PTPRT: variants seen among roughly 807,000 people sequenced by gnomAD.
PTPRT encodes the protein protein tyrosine phosphatase receptor type T.
Under a neutral mutation model 176.8 loss-of-function variants are expected in PTPRT, and 56 were observed. The observed-to-expected ratio is 0.32, with a 90% CI of 0.26 to 0.40. The LOEUF (loss-of-function observed/expected upper bound fraction) is 0.40. Among genes scored for constraint, PTPRT ranks in the 10% least tolerant of loss-of-function variants. The probability of loss-of-function intolerance (pLI) is 1.00; values close to 1 mark genes in which losing one functional copy is unlikely to be tolerated. For synonymous variants in PTPRT, 783 were observed against 739.0 expected (o/e 1.06, Z -0.96); for missense variants, 1,540 against 1,908.2 (o/e 0.81, Z 3.60).
intron 7 of PTPRT, among the ~76,000 whole-genome samples, chr20:42,611,197 T>C (rs538045575): frequency 6.6e-5 from 10 of 152,352 alleles, no homozygotes; most frequent in African/African-American, 2.2e-4. Context: ...AGCAGTGGAA[T>C]TGCTGAGCAT....
chr20:42,446,619 T>A (rs535804745), intron 9 of PTPRT, among the ~76,000 whole-genome samples: 20,289 of 143,158 alleles, frequency 0.14, 1,567 homozygotes, highest in Middle Eastern at 0.18. Flanking sequence ...TGTGTGTGTG[T>A]GTGAGAGAGA....
chr20:42,741,593 G>A (rs139610668), intron 6 of PTPRT, among the ~76,000 whole-genome samples: 51 of 152,196 alleles, frequency 3.4e-4, no homozygotes, highest in African/African-American at 1.1e-3. Flanking sequence ...TGATCCACCT[G>A]ACTCGGCTTC....
intron 11 of PTPRT, among the ~76,000 whole-genome samples, chr20:42,350,307 C>T (rs1259591362): frequency 6.9e-6 from 1 of 145,480 alleles, no homozygotes; most frequent in Non-Finnish European, 1.5e-5. Context: ...CAGTTCACTA[C>T]ACTCTTGGTC....
chr20:43,189,605 A>G lies in PTPRT; in HGVS notation c.88+41T>C. 8.4e-7 allele frequency: 1 copy of G among 1,190,870 alleles called. No homozygotes were observed. The highest frequency in any genetic ancestry group is 1.0e-6 in the Non-Finnish European group (1 of 952,846). The allele number at this position is 1,190,870 out of a possible 1,614,324, so 73.8% of individuals were successfully genotyped here. On this transcript the variant is annotated intron_variant, in intron 1 of 30. Coordinates refer to ENST00000373187, the MANE Select transcript of PTPRT (RefSeq NM_007050.6). This position sits in a 1 kb window ranked among gnomAD's most constrained non-coding sequence, Gnocchi z 5.0. The stretch of plus-strand genomic sequence containing the variant: ...GGCTGGGGGCCCGCGCGCATCCAGG[A>G]GGGAGCGGGGAGCCCAGGGGAGCCG...
intron 1 of PTPRT, among the ~76,000 whole-genome samples, chr20:42,989,109 A>T (rs1983754314): frequency 6.6e-6 from 1 of 152,238 alleles, no homozygotes; most frequent in Non-Finnish European, 1.5e-5. Context: ...TGGCATTATT[A>T]TGCCCATTTT....
intron 1 of PTPRT, among the ~76,000 whole-genome samples, chr20:43,176,289 C>T (rs149353577): frequency 0.04 from 6,118 of 151,264 alleles, 178 homozygotes; most frequent in Non-Finnish European, 0.063. Flanking sequence ...AGAGCGAGAC[C>T]CTGGGCTCTG....
At chr20:42,050,308 T>C in the PTPRT span, among the ~76,000 whole-genome samples, 2 of 152,152 alleles carry the variant, frequency 1.3e-5, no homozygotes, top group Non-Finnish European at 2.9e-5. Context: ...CATTTACAAA[T>C]GCATACTCTT....
chr20:42,176,003 T>C lies in PTPRT; in HGVS notation c.2492-14461A>G, dbSNP rs865920975. On this transcript the variant is annotated intron_variant, in intron 16 of 30. Coordinates refer to ENST00000373187, the MANE Select transcript of PTPRT (RefSeq NM_007050.6). Reference sequence around the variant, plus strand: ...TATCATTTTCATGAATTACAATATATGTATATTCCTGAACATACATCGTCT... The same window carrying C: ...TATCATTTTCATGAATTACAATATACGTATATTCCTGAACATACATCGTCT... Among the ~76,000 whole-genome samples, 5 of 152,328 alleles carry C rather than the reference T, an allele frequency of 3.3e-5. No individual in the cohort carries two copies. In the Middle Eastern group the frequency reaches 0.014, roughly 414 times the overall value.
rs567305488 is a variant in PTPRT, at chr20:42,685,317, GA to G, written c.860-7159del. The G allele has an allele frequency of 1.8e-4, 27 of 152,270 alleles. No homozygotes were observed. In the East Asian group the frequency reaches 5.0e-3, roughly 28 times the overall value. 9.4% of individuals were successfully genotyped at this position (152,270 alleles called of 1,614,324 possible). On this transcript the variant is annotated intron_variant, in intron 6 of 30. Transcript: ENST00000373187. ...GATTTACCCTAGTCCGCCTTGTGAT[GA>G]ATCAAAATCATGACCTCTAGCATAG... is the stretch of plus-strand genomic sequence containing the variant.
intron 12 of PTPRT, among the ~76,000 whole-genome samples, chr20:42,293,449 AC>A: frequency 6.6e-6 from 1 of 152,064 alleles, no homozygotes; most frequent in South Asian, 2.1e-4. Context: ...CTACTTCACT[AC>A]CTGTTCTTTA....
chr20:42,720,284 T>C (rs942103080), intron 6 of PTPRT, among the ~76,000 whole-genome samples: 2 of 151,898 alleles, frequency 1.3e-5, no homozygotes, highest in East Asian at 1.9e-4. Context: ...GAATGGGAGG[T>C]AAAAATCACT....
chr20:42,893,038 G>C (rs1018775004), intron 1 of PTPRT, among the ~76,000 whole-genome samples: 1 of 152,054 alleles, frequency 6.6e-6, no homozygotes, highest in Non-Finnish European at 1.5e-5. Flanking sequence ...CAGAAATCAG[G>C]CTGGGACCTT....
intron 1 of PTPRT, among the ~76,000 whole-genome samples, chr20:42,963,025 C>A (rs1184437618): frequency 1.3e-5 from 2 of 151,880 alleles, no homozygotes; most frequent in African/African-American, 2.4e-5. Context: ...GGTGAAACCC[C>A]GTCTCTATTA....
chr20:42,916,149 G>T (rs1442153315), intron 1 of PTPRT, among the ~76,000 whole-genome samples: 1 of 124,322 alleles, frequency 8.0e-6, no homozygotes, highest in Non-Finnish European at 1.5e-5. Context: ...GGTGTGTGAT[G>T]TTCCCCTTCC....
intron 1 of PTPRT, among the ~76,000 whole-genome samples, chr20:43,128,316 T>A (rs1018439164): frequency 1.3e-5 from 2 of 152,218 alleles, no homozygotes; most frequent in Admixed American, 1.3e-4. Flanking sequence ...TAAGGGAAGA[T>A]GAATAAATGA....
chr20:42,353,021 C>A (rs2058308817), intron 9 of PTPRT, among the ~76,000 whole-genome samples: 1 of 152,184 alleles, frequency 6.6e-6, no homozygotes, highest in Non-Finnish European at 1.5e-5. Flanking sequence ...AATCTGTAGA[C>A]AACATAAAAA....
At chr20:42,959,556 G>A (rs1311303769) in intron 1 of PTPRT, among the ~76,000 whole-genome samples, 1 of 152,152 alleles carries the variant, frequency 6.6e-6, no homozygotes, top group Non-Finnish European at 1.5e-5. Flanking sequence ...GATTCAGAGA[G>A]ATGCTGTGAC....
chr20:42,540,855 C>G (rs1005418038), intron 7 of PTPRT, among the ~76,000 whole-genome samples: 1 of 151,872 alleles, frequency 6.6e-6, no homozygotes, highest in Non-Finnish European at 1.5e-5. Context: ...ATAACTTCAT[C>G]GGGAGGATGG....
chr20:42,224,303 T>C (rs755693635), intron 15 of PTPRT, among the ~76,000 whole-genome samples: 20 of 152,186 alleles, frequency 1.3e-4, no homozygotes, highest in Non-Finnish European at 1.9e-4. Context: ...AGAAACTAAA[T>C]ACTATTTCAA....
Sources: allele counts gnomAD v4.1 joint callset (sites outside exome capture counted in the v4.1 genomes callset), GRCh38; gene constraint gnomAD v4.1.1; non-coding constraint Gnocchi (gnomAD v3.1); transcripts MANE v1.5; gene names NCBI Gene and HGNC (gene_info 2026-07-23, HGNC 2026-07-21).